ERBB4: variants seen among roughly 807,000 people sequenced by gnomAD.
ERBB4 encodes the protein receptor tyrosine-protein kinase erbB-4.
In ERBB4, 42 loss-of-function variants were observed where a neutral mutation model predicts 158.0. The observed-to-expected ratio is 0.27, with a 90% confidence interval of 0.21 to 0.34. ERBB4 has a LOEUF of 0.34. ERBB4 is among the 10% of genes least tolerant of loss of function. The pLI, the probability that ERBB4 is intolerant of heterozygous loss-of-function variation, is 1.00. For missense variants in ERBB4, 1,333 were observed against 1,624.1 expected (o/e 0.82, Z 3.08); for synonymous variants, 583 against 558.7 (o/e 1.04, Z -0.61).
chr2:212,074,922 G>T (rs2125453214), intron 2 of ERBB4, among the ~76,000 whole-genome samples: 1 of 151,958 alleles, frequency 6.6e-6, no homozygotes, highest in Non-Finnish European at 1.5e-5. Flanking sequence ...AAAATTTGCT[G>T]GTCGTAGAGG....
chr2:212,421,545 A>G (rs2091793128), intron 1 of ERBB4, among the ~76,000 whole-genome samples: 1 of 152,156 alleles, frequency 6.6e-6, no homozygotes, highest in African/African-American at 2.4e-5. Flanking sequence ...TTTCCTTGGG[A>G]GCTGTCATTT....
intron 1 of ERBB4, among the ~76,000 whole-genome samples, chr2:212,255,280 A>G (rs921517334): frequency 1.3e-5 from 2 of 152,176 alleles, no homozygotes; most frequent in South Asian, 2.1e-4. Flanking sequence ...GTATATATGA[A>G]AGACAGTAAG....
At chr2:211,530,589 C>T (rs1203745729) in intron 20 of ERBB4, among the ~76,000 whole-genome samples, 1 of 152,138 alleles carries the variant, frequency 6.6e-6, no homozygotes, top group African/African-American at 2.4e-5. Context: ...CATTACCTGA[C>T]TTCAACTTAC....
chr2:212,172,551 T>C (rs1410985734), intron 1 of ERBB4, among the ~76,000 whole-genome samples: 6 of 152,168 alleles, frequency 3.9e-5, no homozygotes, highest in Admixed American at 1.3e-4. Flanking sequence ...AAAGAAAATG[T>C]ACATATACAT....
intron 3 of ERBB4, among the ~76,000 whole-genome samples, chr2:211,945,024 A>T (rs1412471876): frequency 6.6e-6 from 1 of 152,204 alleles, no homozygotes; most frequent in Non-Finnish European, 1.5e-5. Context: ...ATGTTGTTTT[A>T]AAAACTCTTG....
At chr2:212,319,366 G>A (rs1390188844) in intron 1 of ERBB4, among the ~76,000 whole-genome samples, 3 of 150,116 alleles carry the variant, frequency 2.0e-5, no homozygotes, top group African/African-American at 7.3e-5. Context: ...GTTCTGGTTT[G>A]TTTGTTGTTT....
At chr2:211,928,353 G>T (rs369844598) in intron 3 of ERBB4, among the ~76,000 whole-genome samples, 2 of 151,898 alleles carry the variant, frequency 1.3e-5, no homozygotes, top group Non-Finnish European at 2.9e-5. Flanking sequence ...CCCACTCACC[G>T]CAGGGAATAA....
chr2:212,033,385 C>T (rs1457615449), intron 2 of ERBB4, among the ~76,000 whole-genome samples: 1 of 151,546 alleles, frequency 6.6e-6, no homozygotes, highest in African/African-American at 2.4e-5. Flanking sequence ...CTCAAGGCAA[C>T]CAAAATAATA....
chr2:212,225,721 T>C (rs574171131), intron 1 of ERBB4, among the ~76,000 whole-genome samples: 1 of 152,080 alleles, frequency 6.6e-6, no homozygotes, highest in South Asian at 2.1e-4. Flanking sequence ...TTCAATGTTT[T>C]CCTATAGGAC....
At chr2:211,980,349 G>C (rs2081753837) in intron 2 of ERBB4, among the ~76,000 whole-genome samples, 1 of 152,122 alleles carries the variant, frequency 6.6e-6, no homozygotes, top group Non-Finnish European at 1.5e-5. Context: ...AATATAAGCA[G>C]TTGAGTAGAC....
chr2:212,405,405 A>G (rs190247688), intron 1 of ERBB4, among the ~76,000 whole-genome samples: 1 of 152,186 alleles, frequency 6.6e-6, no homozygotes, highest in East Asian at 1.9e-4. Flanking sequence ...AACTAGTTCA[A>G]CTATGTGGAA....
At chr2:211,395,533 G>T (rs1366176949) in intron 25 of ERBB4, among the ~76,000 whole-genome samples, 1 of 151,956 alleles carries the variant, frequency 6.6e-6, no homozygotes, top group Non-Finnish European at 1.5e-5. Context: ...ATAGCTGAAA[G>T]CATTGGCCTT....
intron 20 of ERBB4, among the ~76,000 whole-genome samples, chr2:211,516,435 G>A (rs1247042857): frequency 7.9e-5 from 12 of 151,460 alleles, no homozygotes; most frequent in Admixed American, 7.9e-4. Context: ...CTGGGTTCAA[G>A]CGATTCTTGT....
At chr2:212,522,299 C>G (rs544966432) in intron 1 of ERBB4, among the ~76,000 whole-genome samples, 1 of 152,060 alleles carries the variant, frequency 6.6e-6, no homozygotes, top group Admixed American at 6.6e-5. Context: ...GCCTAGCACA[C>G]TTCCTGATAC....
intron 1 of ERBB4, among the ~76,000 whole-genome samples, chr2:212,348,530 C>T (rs977457541): frequency 7.9e-5 from 12 of 152,054 alleles, no homozygotes; most frequent in African/African-American, 2.4e-4. Context: ...AACTCAAATT[C>T]GTAACACATC....
intron 2 of ERBB4, among the ~76,000 whole-genome samples, chr2:211,948,969 C>T (rs962525453): frequency 1.3e-5 from 2 of 152,058 alleles, no homozygotes; most frequent in African/African-American, 4.8e-5. Flanking sequence ...TTTTCTTCCT[C>T]CACCCCTCTG....
intron 20 of ERBB4, among the ~76,000 whole-genome samples, chr2:211,536,503 C>T (rs2066657634): frequency 6.6e-6 from 1 of 151,996 alleles, no homozygotes; most frequent in South Asian, 2.1e-4. Context: ...AAAAGTCCCA[C>T]TCTCCAGGCC....
intron 1 of ERBB4, among the ~76,000 whole-genome samples, chr2:212,463,801 C>T (rs114024466): frequency 0.011 from 1,701 of 152,174 alleles, 13 homozygotes; most frequent in Middle Eastern, 0.034. Flanking sequence ...GGCCCTGTTT[C>T]ATATTGCAGA....
chr2:211,736,288 A>G (rs1054513009), intron 5 of ERBB4, among the ~76,000 whole-genome samples: 33 of 152,226 alleles, frequency 2.2e-4, no homozygotes, highest in African/African-American at 7.7e-4. Context: ...ACATTGTATT[A>G]TGGCTCAGTA....
Sources: gnomAD v4.1 joint callset for allele counts (sites outside exome capture counted in the v4.1 genomes callset) on GRCh38, gnomAD v4.1.1 for gene constraint, MANE v1.5 for transcripts, NCBI Gene and HGNC (gene_info 2026-07-23, HGNC 2026-07-21) for gene names.